Variants in SANBR observed in about 807,000 individuals in gnomAD.
SANBR encodes the protein SANT and BTB domain regulator of class switch recombination.
SANBR carries 77 observed loss-of-function variants against 101.8 expected under a neutral mutation model. The observed-to-expected ratio is 0.76, with a 90% CI of 0.63 to 0.91. The LOEUF is 0.91. SANBR is among the 40% of genes least tolerant of loss of function. The pLI is 0.00. For synonymous variants in SANBR, 279 were observed against 274.7 expected (o/e 1.02, Z -0.15); for missense variants, 875 against 853.0 (o/e 1.03, Z -0.32).
At chr2:61,118,742 A>G (rs1684200746) in intron 20 of SANBR, among the ~76,000 whole-genome samples, 1 of 151,402 alleles carries the variant, frequency 6.6e-6, no homozygotes, top group Admixed American at 6.6e-5. Flanking sequence ...TTTCATTTTT[A>G]GTAGAGACGG....
intron 5 of SANBR, among the ~76,000 whole-genome samples, chr2:61,075,761 G>A (rs1198038088): frequency 6.6e-6 from 1 of 151,588 alleles, no homozygotes; most frequent in African/African-American, 2.4e-5. Context: ...GAAGCAAACT[G>A]TTTTGCTGTT....
In SANBR at chr2:61,122,911, T is replaced by C. The variant is rs1684391152; in HGVS notation, c.*749T>C. ...ATAACCATTGATAGTTTTAGGATAG[T>C]AAATCATTTCTGTTATATGAGACAC... On this transcript the variant is annotated 3_prime_UTR_variant, in exon 22 of 22. Transcript: ENST00000402291. 2.0e-6 allele frequency: 2 copies of C among 985,252 alleles called. No individual in the cohort carries two copies. The highest frequency in any genetic ancestry group is 1.2e-6 in the Non-Finnish European group (1 of 829,794). The allele number at this position is 985,252 out of a possible 1,614,324, so 61.0% of individuals were successfully genotyped here.
intron 8 of SANBR, among the ~76,000 whole-genome samples, chr2:61,085,263 C>A (rs184947859): frequency 6.6e-6 from 1 of 152,096 alleles, no homozygotes; most frequent in Admixed American, 6.6e-5. Context: ...GTGGTGAAGA[C>A]ATTGTCCTAT....
At chr2:61,098,331 T>C (rs192282194) in intron 12 of SANBR, among the ~76,000 whole-genome samples, 2 of 152,230 alleles carry the variant, frequency 1.3e-5, no homozygotes, top group Non-Finnish European at 2.9e-5. Context: ...CTCGAACTCA[T>C]GAGCTGAAGC....
Position 61,081,452 on chromosome 2 carries a change from A to G in SANBR, c.671A>G (p.Glu224Gly). ...ENKDCEMPTL[E>G]PGNVISILIS... is the part of the protein sequence containing the mutation. ...TAATCTAATTTTTTTTTTTTTTTAGAGCCAGGAAATGTCATTTCAATTCTT... is the reference window on the plus strand; with the variant it reads ...TAATCTAATTTTTTTTTTTTTTTAGGGCCAGGAAATGTCATTTCAATTCTT... The change falls in exon 7 of 22, where the codon GAG becomes GGG. Residue 224 changes from glutamate to glycine, a missense_variant and splice_region_variant. Physicochemically the swap from Glu to Gly is moderately conservative, Grantham distance 98. Transcript: ENST00000402291. 1 of 1,567,628 alleles carries G rather than the reference A, an allele frequency of 6.4e-7. No homozygotes were observed. The highest frequency in any genetic ancestry group is 1.2e-5 in the South Asian group (1 of 84,200).
In SANBR at chr2:61,114,466, A is replaced by G. The variant is rs554090730; in HGVS notation, c.1745-1513A>G. 9.2e-5 allele frequency among the ~76,000 whole-genome samples: 14 copies of G among 152,294 alleles called. No individual in the cohort carries two copies. The East Asian group carries it at 2.3e-3, about 25-fold the overall frequency. On this transcript the variant is annotated intron_variant, in intron 16 of 21. Coordinates refer to ENST00000402291, the MANE Select transcript of SANBR (RefSeq NM_001129993.3). ...CATTCCTATGTTAATTACCCTTGCT[A>G]TAGCTCAAAGAGGATTAGGCTGCCT...
chr2:61,083,073 G>T, intron 7 of SANBR, 81 bp from the exon 8 acceptor site: 1 of 1,132,008 alleles, frequency 8.8e-7, no homozygotes, highest in South Asian at 1.5e-5. Context: ...GACTTTTAAT[G>T]AATTTTATCT....
At chr2:61,104,362 G>A (rs1683444304) in intron 13 of SANBR, among the ~76,000 whole-genome samples, 1 of 151,774 alleles carries the variant, frequency 6.6e-6, no homozygotes, top group African/African-American at 2.4e-5. Context: ...GGCACCTGTA[G>A]TCCCAGCTAC....
chr2:61,116,637 A>G (rs552328520), intron 17 of SANBR, among the ~76,000 whole-genome samples: 1 of 152,200 alleles, frequency 6.6e-6, no homozygotes, highest in Non-Finnish European at 1.5e-5. Context: ...AAAACTGTGA[A>G]TTTCAAAAAT....
chr2:61,096,151 C>T (rs1000071810), intron 11 of SANBR, among the ~76,000 whole-genome samples: 1 of 151,880 alleles, frequency 6.6e-6, no homozygotes, highest in Admixed American at 6.6e-5. Flanking sequence ...ACCCAACACC[C>T]ACTTCCTTCC....
chr2:61,134,159 A>G (rs1684773426), exon 21 of SANBR: 2 of 1,613,946 alleles, frequency 1.2e-6, no homozygotes, highest in African/African-American at 1.3e-5. Flanking sequence ...AGACCCAGAG[A>G]CGGCACTGTG....
intron 1 of SANBR, 148 bp downstream of exon 1, chr2:61,066,175 T>C (rs539202141): frequency 6.5e-6 from 1 of 153,278 alleles, no homozygotes; most frequent in African/African-American, 2.4e-5. Flanking sequence ...AACGCCCCCG[T>C]GCACAGCCTC....
Position 61,118,078 on chromosome 2 carries a change from G to A in SANBR, c.1990G>A (p.Gly664Arg). ...ITGHLIKMRLGDLDRVKSKEA... is the reference protein window; with the variant it reads ...ITGHLIKMRLRDLDRVKSKEA... ...AGGGCACCTAATAAAAATGAGATTG[G>A]GGGATCTGGACCGAGTCAAGTCAAA... Residue 664 changes from glycine to arginine, a missense_variant, in exon 20 of 22, where the codon GGG (glycine) becomes AGG (arginine). Physicochemically the swap from Gly to Arg is moderately radical, Grantham distance 125 (BLOSUM62 -2). Coordinates refer to ENST00000402291, the MANE Select transcript of SANBR (RefSeq NM_001129993.3). The A allele has an allele frequency of 6.2e-7, 1 of 1,613,742 alleles. No individual in the cohort carries two copies. The highest frequency in any genetic ancestry group is 8.5e-7 in the Non-Finnish European group (1 of 1,179,796).
intron 3 of SANBR, among the ~76,000 whole-genome samples, chr2:61,071,330 C>G (rs1681454135): frequency 6.6e-6 from 1 of 151,954 alleles, no homozygotes; most frequent in Non-Finnish European, 1.5e-5. Flanking sequence ...GCAGGCAGAT[C>G]ACGAGGTCAG....
At chr2:61,101,121 C>T (rs1207283981) in intron 12 of SANBR, among the ~76,000 whole-genome samples, 1 of 152,166 alleles carries the variant, frequency 6.6e-6, no homozygotes, top group East Asian at 1.9e-4. Context: ...GGATTACTTA[C>T]ATAACATTCA....
At chr2:61,067,512 C>T (rs551136386) in intron 1 of SANBR, among the ~76,000 whole-genome samples, 3 of 152,146 alleles carry the variant, frequency 2.0e-5, no homozygotes, top group Non-Finnish European at 2.9e-5. Context: ...CCGAGACGGG[C>T]GGATCACGAG....
At chr2:61,089,318 C>CT in intron 10 of SANBR, 1 of 302,540 alleles carries the variant, frequency 3.3e-6, no homozygotes. Context: ...TGAGACCAGC[C>CT]TGACCAACAT....
rs1682574845 is a variant in SANBR at position 61,088,517 on chromosome 2, A to ATAG, written c.1088+51_1088+53dup. The ATAG allele has an allele frequency of 2.6e-6, 3 of 1,153,948 alleles. No individual in the cohort carries two copies. The African/African-American group carries it at 5.0e-5, about 19-fold the overall frequency. The allele number at this position is 1,153,948 out of a possible 1,614,324, so 71.5% of individuals were successfully genotyped here. On this transcript the variant is annotated intron_variant, in intron 10 of 21. Transcript: ENST00000402291. ...CATGTATTTTTGTATATATATATAT[A>ATAG]TAGTTGTTGTTGTTGTTTTGGAGAC...
At chr2:61,124,295 C>T (rs1452186783), downstream of SANBR, 4 of 946,752 alleles carry the variant, frequency 4.2e-6, no homozygotes, top group Admixed American at 1.2e-4. Flanking sequence ...TTTGGAAAGT[C>T]TCTTTATCTG....
Sources: allele counts gnomAD v4.1 joint callset (sites outside exome capture counted in the v4.1 genomes callset), GRCh38; gene constraint gnomAD v4.1.1; transcripts MANE v1.5; gene names NCBI Gene and HGNC (gene_info 2026-07-23, HGNC 2026-07-21).